HORMAD1: variants seen among roughly 807,000 people sequenced by gnomAD.
HORMAD1 encodes HORMA domain containing 1, also known as HORMA domain-containing protein 1.
In HORMAD1, 33 loss-of-function variants were observed where a neutral mutation model predicts 58.2. That is an observed-to-expected ratio of 0.57 (90% confidence interval 0.43 to 0.76). HORMAD1 has a LOEUF of 0.76. Ranked by LOEUF, HORMAD1 falls within the 30% of genes least tolerant of loss-of-function variation. The pLI is 0.00. For synonymous variants in HORMAD1, 137 were observed against 144.6 expected, an observed-to-expected ratio of 0.95 and a Z score of 0.38; for missense variants, 363 against 462.0, an observed-to-expected ratio of 0.79 and a Z score of 1.96.
intron 5 of HORMAD1, chr1:150,713,761 T>C: frequency 4.7e-6 from 1 of 211,040 alleles, no homozygotes; most frequent in Non-Finnish European, 9.4e-6. Flanking sequence ...ATAAACAAGC[T>C]TGTAGAAGGC....
At chr1:150,719,640 T>G (rs587655807) in intron 1 of HORMAD1, 102 bp from the exon 2 acceptor site, 115 of 550,482 alleles carry the variant, frequency 2.1e-4, no homozygotes, top group Non-Finnish European at 3.3e-4. Flanking sequence ...TGAATAAATT[T>G]GAATTTCTTT....
chr1:150,712,712 C>A (rs1210489038), intron 5 of HORMAD1, among the ~76,000 whole-genome samples: 3 of 152,164 alleles, frequency 2.0e-5, no homozygotes, highest in African/African-American at 7.2e-5. Context: ...ACGCCTAGCT[C>A]ATTTTTGTAT....
Position 150,706,705 on chromosome 1 carries a change from G to C in HORMAD1, c.652C>G (p.Pro218Ala), listed in dbSNP as rs1651706180. The change falls in exon 10 of 15, where the codon CCT becomes GCT. Residue 218 changes from proline to alanine, a missense_variant. Physicochemically the swap from Pro to Ala is conservative, Grantham distance 27. Transcript: ENST00000361824. ...MYLNVGEVSTPFHIFKVKVTT... is the reference protein window; with the variant it reads ...MYLNVGEVSTAFHIFKVKVTT... ...ACTTTTACTTTGAAGATGTGAAAAG[G>C]TGTTGAGACTTCTCCCACATTTAAA... The C allele has an allele frequency of 1.2e-6, 2 of 1,613,576 alleles. No individual in the cohort carries two copies. The highest frequency in any genetic ancestry group is 1.7e-6 in the Non-Finnish European group (2 of 1,179,756).
At chr1:150,709,980 A>G (rs587747803) in intron 7 of HORMAD1, among the ~76,000 whole-genome samples, 158 of 152,154 alleles carry the variant, frequency 1.0e-3, no homozygotes, top group African/African-American at 3.6e-3. Flanking sequence ...CCTTATTATC[A>G]CCCTGCCCTC....
At chr1:150,699,125 T>C (rs587763784) in intron 14 of HORMAD1, among the ~76,000 whole-genome samples, 1 of 152,360 alleles carries the variant, frequency 6.6e-6, no homozygotes, top group South Asian at 2.1e-4. Context: ...TTTTGTACTC[T>C]TGAGACGTTA....
chr1:150,708,371 A>C lies in HORMAD1; in HGVS notation c.432T>G (p.Thr144=), dbSNP rs1176342427. The C allele has an allele frequency of 6.2e-7, 1 of 1,609,172 alleles. No individual in the cohort carries two copies. The highest frequency in any genetic ancestry group is 8.5e-7 in the Non-Finnish European group (1 of 1,177,348). ...NQSNESSMLS[T]DTKKASILLI... is the part of the protein sequence containing the mutation. ...GGAGAATGCTTGCTTTCTTGGTGTC[A>C]GTAGACAACATGCTAGATTCGTTGC... Residue 144 remains threonine, a synonymous_variant, in exon 9 of 15, where the codon ACT becomes ACG. Coordinates refer to ENST00000361824, the MANE Select transcript of HORMAD1 (RefSeq NM_032132.5).
In HORMAD1 at chr1:150,710,761, T is replaced by C. The variant is rs372168210; in HGVS notation, c.327+784A>G. Among the ~76,000 whole-genome samples the C allele has an allele frequency of 3.9e-5, 6 of 152,340 alleles. No homozygotes were observed. The East Asian group carries it at 1.2e-3, about 29-fold the overall frequency. On this transcript the variant is annotated intron_variant, in intron 7 of 14. Transcript: ENST00000361824. ...TCTTTATATTTCATTGCTTACATAG[T>C]GATGTTTTTAAACGTCTATTTTTAA...
intron 5 of HORMAD1, among the ~76,000 whole-genome samples, chr1:150,712,978 A>T (rs1651947784): frequency 6.6e-6 from 1 of 152,040 alleles, no homozygotes; most frequent in South Asian, 2.1e-4. Flanking sequence ...ATCTCATGTT[A>T]TTCTCCCCCA....
In HORMAD1 at chr1:150,706,475, T is replaced by C. The variant is rs1046145118; in HGVS notation, c.804+78A>G. On this transcript the variant is annotated intron_variant, in intron 10 of 14. Transcript: ENST00000361824. ...AATACAGAATTTACACAAATGTTAA[T>C]GGGAGCTATGAAAAATCTTCAGAAT... The C allele has an allele frequency of 2.8e-5, 32 of 1,154,502 alleles. No individual in the cohort carries two copies. The South Asian group carries it at 4.3e-4, about 16-fold the overall frequency. 71.5% of individuals were successfully genotyped at this position (1,154,502 alleles called of 1,614,324 possible).
At chr1:150,699,587 C>T (rs12565038) in intron 14 of HORMAD1, among the ~76,000 whole-genome samples, 6 of 151,574 alleles carry the variant, frequency 4.0e-5, no homozygotes, top group African/African-American at 1.5e-4. Context: ...TACAGTGGCG[C>T]GATCTTGGCT....
intron 5 of HORMAD1, 136 bp downstream of exon 5, chr1:150,713,949 G>A (rs766470638): frequency 6.1e-6 from 4 of 653,052 alleles, no homozygotes; most frequent in South Asian, 5.3e-5. Context: ...ATATTCAAAT[G>A]TTTAGGCTTT....
At position 150,698,446 on chromosome 1, in the gene HORMAD1, C is replaced by T. The variant is rs1455287692; in HGVS notation, c.*208G>A. On this transcript the variant is annotated 3_prime_UTR_variant, in exon 15 of 15. Transcript: ENST00000361824. Reference sequence around the variant, plus strand: ...TTACTTATTACCGAATCAATTATGACATTTGTACTTTTGCTTTTATTCAAA... The same window carrying T: ...TTACTTATTACCGAATCAATTATGATATTTGTACTTTTGCTTTTATTCAAA... 2.8e-6 allele frequency: 1 copy of T among 359,928 alleles called. No individual in the cohort carries two copies. The highest frequency in any genetic ancestry group is 5.0e-6 in the Non-Finnish European group (1 of 199,662). 22.3% of individuals were successfully genotyped at this position (359,928 alleles called of 1,614,324 possible). A position where few individuals can be genotyped will look rare whatever the true frequency, so the allele number is the denominator to read the frequency against.
In HORMAD1 at chr1:150,708,245, G is replaced by A; in HGVS notation, c.547+11C>T. On this transcript the variant is annotated intron_variant, in intron 9 of 14. Transcript: ENST00000361824. ...TGTACCAACTGAAACAGGATGTATT[G>A]CAAATAGTACCTTCATCATAGTAAA... is the stretch of plus-strand genomic sequence containing the variant. 2.5e-6 allele frequency: 4 copies of A among 1,574,734 alleles called. No homozygotes were observed. The highest frequency in any genetic ancestry group is 2.3e-5 in the East Asian group (1 of 43,276).
At chr1:150,713,987 A>G (rs1651985025) in intron 5 of HORMAD1, 98 bp downstream of exon 5, 5 of 790,078 alleles carry the variant, frequency 6.3e-6, no homozygotes, top group Non-Finnish European at 1.1e-5. Flanking sequence ...CCTACACTCA[A>G]GTTAGTTCAA....
chr1:150,719,641 G>GA, intron 1 of HORMAD1, 103 bp from the exon 2 acceptor site: 1 of 545,920 alleles, frequency 1.8e-6, no homozygotes, highest in East Asian at 3.3e-5. Context: ...GAATAAATTT[G>GA]AATTTCTTTA....
chr1:150,709,296 G>A (rs1045082741), intron 7 of HORMAD1, among the ~76,000 whole-genome samples: 4 of 152,310 alleles, frequency 2.6e-5, no homozygotes, highest in African/African-American at 9.6e-5. Flanking sequence ...GCTTTGCTGA[G>A]ATGTTGTTAA....
Position 150,703,320 on chromosome 1 carries a change from T to C in HORMAD1, c.1022A>G (p.Gln341Arg). Residue 341 changes from glutamine (Q) to arginine (R), a missense_variant, in exon 13 of 15, where the codon CAG (glutamine) becomes CGG (arginine). By Grantham distance (43) the Gln-to-Arg change is conservative. This residue lies in a region of HORMAD1 where 226 missense variants were observed against 257.8 expected (regional missense o/e 0.88). Transcript: ENST00000361824. ...ESKTRSGKVFQNKMANGNQPV... is the reference protein window; with the variant it reads ...ESKTRSGKVFRNKMANGNQPV... ...TAAAGAGATATTTACCATTTTATTC[T>C]GAAAGACTTTTCCACTTCTTGTTTT... 1 of 1,541,712 alleles carries C rather than the reference T, an allele frequency of 6.5e-7. No individual in the cohort carries two copies. The highest frequency in any genetic ancestry group is 8.9e-7 in the Non-Finnish European group (1 of 1,122,930).
chr1:150,704,717 C>A (rs935570680), intron 10 of HORMAD1, among the ~76,000 whole-genome samples: 2 of 152,048 alleles, frequency 1.3e-5, no homozygotes, highest in East Asian at 3.9e-4. Context: ...GCCTGGGAGA[C>A]AGGACGAGAC....
In HORMAD1 at chr1:150,708,392, G is replaced by A. The variant is rs368484414; in HGVS notation, c.411C>T (p.Asn137=). The A allele has an allele frequency of 1.8e-5, 29 of 1,593,484 alleles. No homozygotes were observed. Among genetic ancestry groups the A allele is most frequent in the Middle Eastern group, 3.4e-4 (2 of 5,868 alleles). Residue 137 remains asparagine (N), a synonymous_variant, in exon 9 of 15, where the codon AAC becomes AAT. Transcript: ENST00000361824. ...LMDFISKNQS[N]ESSMLSTDTK... is the part of the protein sequence containing the mutation. Reference sequence around the variant, plus strand: ...TGTCAGTAGACAACATGCTAGATTCGTTGCTTTGGTTTTTACTAGAAGAGA... The same window carrying A: ...TGTCAGTAGACAACATGCTAGATTCATTGCTTTGGTTTTTACTAGAAGAGA...
Sources: allele counts gnomAD v4.1 joint callset (sites outside exome capture counted in the v4.1 genomes callset), GRCh38; gene constraint gnomAD v4.1.1; regional missense constraint gnomAD v4.1.1; transcripts MANE v1.5; gene names NCBI Gene and HGNC (gene_info 2026-07-23, HGNC 2026-07-21).